The following TXLNG variants were observed in gnomAD, a reference collection of about 807,000 sequenced individuals.
TXLNG encodes gamma-taxilin.
TXLNG carries 5 observed loss-of-function variants against 38.8 expected under a neutral mutation model. The ratio of observed to expected loss-of-function variants is 0.13; its 90% confidence interval spans 0.07 to 0.27. The LOEUF (loss-of-function observed/expected upper bound fraction) is 0.27. TXLNG is among the 10% of genes least tolerant of loss of function. The pLI is 1.00. For missense variants in TXLNG, 393 were observed against 398.2 expected, an observed-to-expected ratio of 0.99 and a Z score of 0.11; for synonymous variants, 182 against 158.2, an observed-to-expected ratio of 1.15 and a Z score of -1.13.
At position 16,841,796 on chromosome X, in the gene TXLNG, A is replaced by G. The variant is rs773338588; in HGVS notation, c.*30A>G. On this transcript the variant is annotated 3_prime_UTR_variant, in exon 10 of 10. Coordinates refer to ENST00000380122, the MANE Select transcript of TXLNG (RefSeq NM_018360.3). The stretch of plus-strand genomic sequence containing the variant: ...AGGTGTGATCACTGTATTGAGAGAT[A>G]TATTTTGTGTATAACTTTCTCTGTT... 5.2e-6 allele frequency: 6 copies of G among 1,155,246 alleles called. No individual in the cohort carries two copies. Among genetic ancestry groups the G allele is most frequent in the Non-Finnish European group, 7.0e-6 (6 of 862,879 alleles).
chrX:16,797,249 A>G (rs1602358612), intron 1 of TXLNG, among the ~76,000 whole-genome samples: 1 of 102,087 alleles, frequency 9.8e-6, no homozygotes, highest in Admixed American at 1.1e-4. Context: ...ATACCATTAC[A>G]CTCCAGCCTG....
At chrX:16,807,227 C>A (rs766155103) in intron 1 of TXLNG, among the ~76,000 whole-genome samples, 1 of 112,275 alleles carries the variant, frequency 8.9e-6, no homozygotes, top group African/African-American at 3.2e-5. Context: ...AGAGTTAATC[C>A]CTGCTAAAAA....
intron 3 of TXLNG, among the ~76,000 whole-genome samples, chrX:16,827,669 C>G (rs1038630517): frequency 1.8e-5 from 2 of 111,610 alleles, no homozygotes; most frequent in African/African-American, 6.5e-5. Context: ...CAGGCCAATA[C>G]GGAAGTCAAG....
chrX:16,833,624 T>TAC (rs373147838), intron 6 of TXLNG, among the ~76,000 whole-genome samples: 5,199 of 109,014 alleles, frequency 0.048, 135 homozygotes, highest in African/African-American at 0.094. Flanking sequence ...ATAAATTTTA[T>TAC]ACACACACAC....
intron 9 of TXLNG, among the ~76,000 whole-genome samples, chrX:16,840,978 C>CTT (rs770054743): frequency 2.9e-4 from 32 of 110,740 alleles, no homozygotes; most frequent in African/African-American, 9.5e-4. Context: ...GGGCAGATCA[C>CTT]GAGGTCAGGA....
chrX:16,840,331 C>CT (rs376526907), intron 9 of TXLNG: 205 of 436,127 alleles, frequency 4.7e-4, no homozygotes, highest in African/African-American at 3.0e-3. Flanking sequence ...ATCCGCCTCT[C>CT]TAACAAGCAT....
chrX:16,836,166 G>A (rs958340878), intron 7 of TXLNG, among the ~76,000 whole-genome samples: 2 of 112,156 alleles, frequency 1.8e-5, no homozygotes, highest in Admixed American at 1.9e-4. Flanking sequence ...GCTGAGATGG[G>A]AGGATTGCTT....
At chrX:16,797,049 C>T (rs978197879) in intron 1 of TXLNG, among the ~76,000 whole-genome samples, 10 of 110,961 alleles carry the variant, frequency 9.0e-5, no homozygotes, top group African/African-American at 2.3e-4. Context: ...TTTGGGAGAC[C>T]GAGGTGGGTG....
intron 1 of TXLNG, among the ~76,000 whole-genome samples, chrX:16,786,924 G>A (rs1721976975): frequency 8.9e-6 from 1 of 112,145 alleles, no homozygotes; most frequent in Admixed American, 9.3e-5. Flanking sequence ...CGGGGATCCG[G>A]GCGCCAGGCG....
intron 3 of TXLNG, among the ~76,000 whole-genome samples, chrX:16,821,129 TTTC>T (rs1433750961): frequency 1.4e-5 from 1 of 70,864 alleles, no homozygotes; most frequent in Non-Finnish European, 2.4e-5. Context: ...AGTTTCTTTC[TTTC>T]TTTCTTTCTT....
At position 16,829,661 on chromosome X, in the gene TXLNG, A is replaced by G. The variant is rs1043204456; in HGVS notation, c.755A>G (p.Gln252Arg). ...TTCCAGATTACCTTAAATGAAATTC[A>G]AGCCCAGCTGGAGCAGCATGACATC... ...AHFQITLNEI[Q>R]AQLEQHDIHN... The change falls in exon 5 of 10, where the codon CAA becomes CGA. Residue 252 changes from glutamine to arginine, a missense_variant. Gln to Arg is a conservative substitution (Grantham distance 43, BLOSUM62 1). Transcript: ENST00000380122. 8.2e-7 allele frequency: 1 copy of G among 1,212,172 alleles called. No homozygotes were observed. The highest frequency in any genetic ancestry group is 1.1e-6 in the Non-Finnish European group (1 of 895,599).
chrX:16,814,769 AC>A (rs1252067679), intron 1 of TXLNG, among the ~76,000 whole-genome samples: 10 of 111,736 alleles, frequency 8.9e-5, no homozygotes, highest in African/African-American at 3.3e-4. Context: ...GCTAAGGAGA[AC>A]TGGGTTTCAT....
At chrX:16,819,139 G>C (rs917433034) in intron 2 of TXLNG, among the ~76,000 whole-genome samples, 19 of 109,197 alleles carry the variant, frequency 1.7e-4, no homozygotes, top group South Asian at 4.0e-4. Context: ...GGTTCTCACT[G>C]TGTTGCCCAG....
rs146046124 is a variant in TXLNG at position 16,834,297 on chromosome X, G to A, written c.999G>A (p.Ala333=). The change falls in exon 7 of 10, where the codon GCG becomes GCA. Residue 333 remains alanine (A), a synonymous_variant. Coordinates refer to ENST00000380122, the MANE Select transcript of TXLNG (RefSeq NM_018360.3). The part of the protein sequence containing the change: ...QREREFLLKE[A]TESRHKYEQM... ...CTGTTTTCTAGTTATTAAAAGAAGC[G>A]ACAGAATCGAGGCACAAATACGAAC... 1.8e-5 allele frequency: 22 copies of A among 1,205,965 alleles called. No individual in the cohort carries two copies. The African/African-American group carries it at 3.7e-4, about 20-fold the overall frequency.
chrX:16,791,085 G>A (rs1927685314), intron 1 of TXLNG, among the ~76,000 whole-genome samples: 1 of 112,156 alleles, frequency 8.9e-6, no homozygotes, highest in African/African-American at 3.2e-5. Context: ...GACACATTTG[G>A]CACAGTGTGG....
intron 1 of TXLNG, among the ~76,000 whole-genome samples, chrX:16,797,294 AAAAG>A (rs1212536192): frequency 1.8e-5 from 2 of 111,092 alleles, no homozygotes; most frequent in Non-Finnish European, 3.8e-5. Context: ...AAAAAAAAAA[AAAAG>A]AAGAAATGTT....
intron 1 of TXLNG, among the ~76,000 whole-genome samples, chrX:16,790,545 C>G (rs1927666307): frequency 9.0e-6 from 1 of 111,036 alleles, no homozygotes; most frequent in Non-Finnish European, 1.9e-5. Context: ...TCCAGCTTGT[C>G]TAAGGTTGGT....
chrX:16,788,618 G>A (rs1298125726), intron 1 of TXLNG, among the ~76,000 whole-genome samples: 1 of 109,792 alleles, frequency 9.1e-6, no homozygotes, highest in Non-Finnish European at 1.9e-5. Context: ...GGCTAGCCTG[G>A]GCCGCAGAGT....
chrX:16,821,054 T>C (rs11094715), intron 3 of TXLNG, among the ~76,000 whole-genome samples: 51,174 of 105,271 alleles, frequency 0.49, 9,495 homozygotes, highest in East Asian at 0.86. Context: ...CAGGCATGAG[T>C]CACCGCGCCC....
Sources: gnomAD v4.1 joint callset for allele counts (sites outside exome capture counted in the v4.1 genomes callset) on GRCh38, gnomAD v4.1.1 for gene constraint, MANE v1.5 for transcripts, NCBI Gene and HGNC (gene_info 2026-07-23, HGNC 2026-07-21) for gene names.